The following C1orf94 variants were observed in gnomAD, a reference collection of about 807,000 sequenced individuals.
The protein encoded by C1orf94 is uncharacterized protein C1orf94.
Under a neutral mutation model 53.6 loss-of-function variants are expected in C1orf94, and 45 were observed. That is an observed-to-expected ratio of 0.84 (90% CI 0.66 to 1.08). The LOEUF is 1.08. Among genes scored for constraint, C1orf94 ranks in the 50% least tolerant of loss-of-function variants. The probability of loss-of-function intolerance (pLI) is 0.00; values close to 1 mark genes in which losing one functional copy is unlikely to be tolerated. For synonymous variants in C1orf94, 304 were observed against 296.1 expected, an observed-to-expected ratio of 1.03 and a Z score of -0.27; for missense variants, 762 against 738.9, an observed-to-expected ratio of 1.03 and a Z score of -0.36.
intron 6 of C1orf94, among the ~76,000 whole-genome samples, chr1:34,217,138 G>A (rs187778975): frequency 1.3e-5 from 2 of 152,174 alleles, no homozygotes; most frequent in Admixed American, 6.5e-5. Flanking sequence ...GCCGGCCCAG[G>A]CAAACCAGGA....
At chr1:34,190,641 G>A (rs1281238134) in intron 1 of C1orf94, among the ~76,000 whole-genome samples, 1 of 152,174 alleles carries the variant, frequency 6.6e-6, no homozygotes, top group Non-Finnish European at 1.5e-5. Flanking sequence ...CTCACACACA[G>A]CATTTCACTG....
intron 4 of C1orf94, among the ~76,000 whole-genome samples, chr1:34,202,925 AAGAT>A (rs2148619733): frequency 6.6e-6 from 1 of 152,352 alleles, no homozygotes; most frequent in South Asian, 2.1e-4. Context: ...ATGCGAGTAA[AAGAT>A]AATACAGTAT....
chr1:34,206,619 G>T (rs750623121), intron 4 of C1orf94, among the ~76,000 whole-genome samples: 1 of 152,242 alleles, frequency 6.6e-6, no homozygotes, highest in African/African-American at 2.4e-5. Context: ...AGTGCTAACA[G>T]GGATCAGAGG....
At chr1:34,174,144 G>A (rs147645302), upstream of C1orf94, among the ~76,000 whole-genome samples, 6 of 152,318 alleles carry the variant, frequency 3.9e-5, no homozygotes, top group East Asian at 1.9e-4. Context: ...CTGGAAAGGC[G>A]TAAGTGATTA....
At position 34,177,678 on chromosome 1, in the gene C1orf94, A is replaced by C. The variant is rs896015205; in HGVS notation, c.-112A>C. On this transcript the variant is annotated 5_prime_UTR_variant, in exon 1 of 7. Transcript: ENST00000488417. Reference sequence around the variant, plus strand: ...CCCAAAAGAAAGCTGTCCTCCACCCACCCCTCCCACACAAATAGAAGGCCT... The same window carrying C: ...CCCAAAAGAAAGCTGTCCTCCACCCCCCCCTCCCACACAAATAGAAGGCCT... The C allele has an allele frequency of 2.2e-6, 2 of 895,874 alleles. No individual in the cohort carries two copies. 55.5% of individuals were successfully genotyped at this position (895,874 alleles called of 1,614,324 possible). A position where few individuals can be genotyped will look rare whatever the true frequency, so the allele number is the denominator to read the frequency against.
intron 1 of C1orf94, among the ~76,000 whole-genome samples, chr1:34,190,668 A>C (rs377230840): frequency 1.3e-4 from 20 of 152,238 alleles, no homozygotes; most frequent in African/African-American, 4.6e-4. Context: ...TTTTAGAGCA[A>C]CATAGCTAGT....
chr1:34,203,420 C>T (rs1053116634), intron 4 of C1orf94, among the ~76,000 whole-genome samples: 4 of 152,158 alleles, frequency 2.6e-5, no homozygotes, highest in South Asian at 2.1e-4. Context: ...AGCCACCGCA[C>T]CCGGCCCTCA....
intron 4 of C1orf94, among the ~76,000 whole-genome samples, chr1:34,204,322 G>A (rs1642760390): frequency 6.6e-6 from 1 of 152,162 alleles, no homozygotes; most frequent in Non-Finnish European, 1.5e-5. Flanking sequence ...TTGTTTTCAA[G>A]CTTTTTGTTT....
At chr1:34,188,347 A>G (rs1642419993) in intron 1 of C1orf94, among the ~76,000 whole-genome samples, 1 of 152,204 alleles carries the variant, frequency 6.6e-6, no homozygotes, top group Non-Finnish European at 1.5e-5. Flanking sequence ...AGTGTATGCC[A>G]GGGACAATTA....
At chr1:34,168,464 T>C (rs1292350485) in intron 1 of C1orf94, among the ~76,000 whole-genome samples, 1 of 152,052 alleles carries the variant, frequency 6.6e-6, no homozygotes, top group Non-Finnish European at 1.5e-5. Context: ...GCAGATCACA[T>C]AGGGTCTATT....
At chr1:34,178,491 C>T (rs1642265684) in intron 1 of C1orf94, among the ~76,000 whole-genome samples, 1 of 152,250 alleles carries the variant, frequency 6.6e-6, no homozygotes. Flanking sequence ...TAGGCATTCA[C>T]ATGGATGAGT....
At chr1:34,175,782 T>C (rs1317721517), upstream of C1orf94, among the ~76,000 whole-genome samples, 1 of 152,098 alleles carries the variant, frequency 6.6e-6, no homozygotes, top group Non-Finnish European at 1.5e-5. Context: ...CCTCTCATCC[T>C]TCTCAAATTT....
chr1:34,199,688 G>A (rs114408903), intron 2 of C1orf94, among the ~76,000 whole-genome samples: 58 of 152,336 alleles, frequency 3.8e-4, no homozygotes, highest in Non-Finnish European at 6.6e-4. Context: ...CTGCTGTGGA[G>A]GATCCTGTGA....
intron 6 of C1orf94, among the ~76,000 whole-genome samples, chr1:34,215,440 A>T (rs1642969264): frequency 6.6e-6 from 1 of 152,212 alleles, no homozygotes; most frequent in South Asian, 2.1e-4. Context: ...AACAGATCAC[A>T]TTGGTCAATG....
chr1:34,212,297 C>A lies in C1orf94; in HGVS notation c.1612C>A (p.Pro538Thr). ...GCTGAGCTACATCCCTTTTGTCCAG[C>A]CCAATTATCCCTACCCTCAGAGGAC... ...PLLSYIPFVQ[P>T]NYPYPQRTPP... is the part of the protein sequence containing the mutation. Residue 538 changes from proline (P) to threonine (T), a missense_variant, in exon 6 of 7, where the codon CCC becomes ACC. By Grantham distance (38) the Pro-to-Thr change is conservative. Transcript: ENST00000488417. 1 of 1,613,984 alleles carries A rather than the reference C, an allele frequency of 6.2e-7. No individual in the cohort carries two copies. The highest frequency in any genetic ancestry group is 8.5e-7 in the Non-Finnish European group (1 of 1,180,002).
At chr1:34,172,781 T>G (rs1024574842), upstream of C1orf94, among the ~76,000 whole-genome samples, 1 of 152,274 alleles carries the variant, frequency 6.6e-6, no homozygotes, top group Non-Finnish European at 1.5e-5. Flanking sequence ...AGCCCTGTCC[T>G]GTTGCTGAGA....
chr1:34,189,561 G>T (rs1365181615), intron 1 of C1orf94, among the ~76,000 whole-genome samples: 1 of 152,218 alleles, frequency 6.6e-6, no homozygotes, highest in Non-Finnish European at 1.5e-5. Context: ...GAGAACATGG[G>T]TCTCTGATCC....
chr1:34,182,893 G>A (rs973161192), intron 1 of C1orf94, among the ~76,000 whole-genome samples: 4 of 152,114 alleles, frequency 2.6e-5, no homozygotes, highest in African/African-American at 9.7e-5. Flanking sequence ...AGGGTGTAGA[G>A]AAGCTTTCCT....
rs1643029884 is a variant in C1orf94 at position 34,218,691 on chromosome 1, G to C, written c.1727G>C (p.Gly576Ala). 3 of 1,611,104 alleles carry C rather than the reference G, an allele frequency of 1.9e-6. No individual in the cohort carries two copies. The highest frequency in any genetic ancestry group is 2.5e-6 in the Non-Finnish European group (3 of 1,178,140). ...CCACCCTCCCTCTCTTCCAGGTTCGGCTCGACATCCGGAGGGCCCTTGATG... is the reference window on the plus strand; with the variant it reads ...CCACCCTCCCTCTCTTCCAGGTTCGCCTCGACATCCGGAGGGCCCTTGATG... ...QYLFPQGYGF[G>A]STSGGPLMHS... is the part of the protein sequence containing the mutation. Residue 576 changes from glycine (G) to alanine (A), a missense_variant, in exon 7 of 7, where the codon GGC becomes GCC. Gly to Ala is a moderately conservative substitution (Grantham distance 60). Coordinates refer to ENST00000488417, the MANE Select transcript of C1orf94 (RefSeq NM_001134734.2).
Sources: allele counts gnomAD v4.1 joint callset (sites outside exome capture counted in the v4.1 genomes callset), GRCh38; gene constraint gnomAD v4.1.1; transcripts MANE v1.5; gene names NCBI Gene and HGNC (gene_info 2026-07-23, HGNC 2026-07-21).